Variants in CNTN5 observed in about 807,000 individuals in gnomAD.
CNTN5 encodes contactin-5.
CNTN5 carries 77 observed loss-of-function variants against 129.1 expected under a neutral mutation model. The observed-to-expected ratio is 0.60, with a 90% CI of 0.50 to 0.72. The LOEUF (loss-of-function observed/expected upper bound fraction) is 0.72, where lower values mean the gene tolerates loss of function less well. Ranked by LOEUF, CNTN5 falls within the 30% of genes least tolerant of loss-of-function variation. The pLI is 0.00. For synonymous variants in CNTN5, 509 were observed against 465.6 expected, an observed-to-expected ratio of 1.09 and a Z score of -1.20; for missense variants, 1,478 against 1,328.8, an observed-to-expected ratio of 1.11 and a Z score of -1.75.
chr11:99,898,421 A>G (rs1174447877), intron 6 of CNTN5, among the ~76,000 whole-genome samples: 3 of 152,076 alleles, frequency 2.0e-5, no homozygotes, highest in African/African-American at 7.2e-5. Flanking sequence ...ATCATCAGAG[A>G]CTAGTATGAT....
chr11:99,529,681 GA>G (rs1164403947), intron 2 of CNTN5, among the ~76,000 whole-genome samples: 1 of 151,840 alleles, frequency 6.6e-6, no homozygotes. Flanking sequence ...AAATAATACA[GA>G]AAAAAATGAA....
intron 12 of CNTN5, among the ~76,000 whole-genome samples, chr11:100,072,447 A>T (rs1943956879): frequency 6.6e-6 from 1 of 152,206 alleles, no homozygotes; most frequent in Admixed American, 6.5e-5. Context: ...CCATCCAGTG[A>T]AATAGACTAC....
In CNTN5 at chr11:100,255,834, G is replaced by T; in HGVS notation, c.2080G>T (p.Ala694Ser). Residue 694 changes from alanine (A) to serine (S), a missense_variant, in exon 17 of 25, where the codon GCA becomes TCA. Ala to Ser is a moderately conservative substitution (Grantham distance 99, BLOSUM62 1). Coordinates refer to ENST00000524871, the MANE Select transcript of CNTN5 (RefSeq NM_014361.4). Reference protein sequence around the residue: ...ESTATLSWSPAADNHSPISSY... With the variant: ...ESTATLSWSPSADNHSPISSY... ...TACGGCCACACTGTCCTGGAGCCCA[G>T]CAGCTGACAACCACAGCCCAATCTC... The T allele has an allele frequency of 6.2e-7, 1 of 1,613,928 alleles. No individual in the cohort carries two copies. The highest frequency in any genetic ancestry group is 8.5e-7 in the Non-Finnish European group (1 of 1,179,880).
In CNTN5 at chr11:100,350,847, A is replaced by G; in HGVS notation, c.3176A>G (p.Gln1059Arg). The G allele has an allele frequency of 1.9e-6, 3 of 1,591,254 alleles. No homozygotes were observed. The highest frequency in any genetic ancestry group is 2.6e-6 in the Non-Finnish European group (3 of 1,166,946). The change falls in exon 24 of 25, where the codon CAA becomes CGA. Residue 1059 changes from glutamine (Q) to arginine (R), a missense_variant. By Grantham distance (43) the Gln-to-Arg change is conservative. Transcript: ENST00000524871. The part of the protein sequence containing the change: ...SEGGDGTASS[Q>R]IRVPSYSGGK... ...GGAGGAGATGGAACAGCTAGTTCTC[A>G]AATTAGGGTACCATCATATTCAGGT...
chr11:100,343,113 A>G (rs1175032129), intron 23 of CNTN5, among the ~76,000 whole-genome samples: 1 of 152,210 alleles, frequency 6.6e-6, no homozygotes, highest in African/African-American at 2.4e-5. Flanking sequence ...ATTTTAACAA[A>G]GAAACTGATC....
chr11:99,705,538 T>C (rs1037945263), intron 3 of CNTN5, among the ~76,000 whole-genome samples: 1 of 151,474 alleles, frequency 6.6e-6, no homozygotes, highest in African/African-American at 2.4e-5. Flanking sequence ...GAATCCTGAT[T>C]CACTTAAGCA....
At chr11:99,032,864 T>A (rs1230688245) in intron 1 of CNTN5, among the ~76,000 whole-genome samples, 13 of 144,036 alleles carry the variant, frequency 9.0e-5, no homozygotes, top group Non-Finnish European at 1.6e-4. Flanking sequence ...CTGAATGGTA[T>A]TGCCTAGGTT....
At position 100,115,103 on chromosome 11, in the gene CNTN5, A is replaced by G. The variant is rs182497098; in HGVS notation, c.1580+40809A>G. Among the ~76,000 whole-genome samples the G allele has an allele frequency of 5.5e-3, 704 of 128,166 alleles. 4 individuals are homozygous for G. The highest frequency in any genetic ancestry group is 8.4e-3 in the Non-Finnish European group (527 of 62,472). 84.1% of individuals were successfully genotyped at this position (128,166 alleles called of 152,430 possible). A position where few individuals can be genotyped will look rare whatever the true frequency, so the allele number is the denominator to read the frequency against. On this transcript the variant is annotated intron_variant, in intron 13 of 24. Coordinates refer to ENST00000524871, the MANE Select transcript of CNTN5 (RefSeq NM_014361.4). ...GACTACATGAATTTTCTAGACTGCT[A>G]TAGGTATACAGTAAAAAAAAAAAAA...
chr11:100,181,638 T>A (rs757134530), intron 13 of CNTN5, among the ~76,000 whole-genome samples: 2 of 152,042 alleles, frequency 1.3e-5, no homozygotes, highest in Non-Finnish European at 2.9e-5. Context: ...GGTTGTGATA[T>A]TATACTATAA....
intron 7 of CNTN5, among the ~76,000 whole-genome samples, chr11:99,928,803 A>G (rs1247852107): frequency 2.0e-5 from 3 of 152,182 alleles, no homozygotes; most frequent in Non-Finnish European, 4.4e-5. Flanking sequence ...TTACCTATGC[A>G]TATTTCTGCA....
intron 2 of CNTN5, among the ~76,000 whole-genome samples, chr11:99,471,001 T>A (rs543370411): frequency 6.6e-6 from 1 of 152,166 alleles, no homozygotes; most frequent in South Asian, 2.1e-4. Flanking sequence ...ATTGACACTT[T>A]CAGGTCTGGG....
intron 3 of CNTN5, among the ~76,000 whole-genome samples, chr11:99,599,673 T>G (rs1294556380): frequency 3.3e-5 from 5 of 152,132 alleles, no homozygotes; most frequent in African/African-American, 1.2e-4. Context: ...CCAGACCAAA[T>G]TCTTTGTGCA....
At chr11:99,535,356 C>T (rs542435370) in intron 2 of CNTN5, among the ~76,000 whole-genome samples, 2 of 152,256 alleles carry the variant, frequency 1.3e-5, no homozygotes, top group South Asian at 4.1e-4. Flanking sequence ...GGTAGATAAA[C>T]AGTAGACAGA....
At chr11:99,474,409 A>G (rs1233064101) in intron 2 of CNTN5, among the ~76,000 whole-genome samples, 1 of 152,090 alleles carries the variant, frequency 6.6e-6, no homozygotes, top group Admixed American at 6.6e-5. Context: ...TGAGCTTTCT[A>G]TCATCTGTCA....
At chr11:100,299,096 A>AGG in intron 19 of CNTN5, 66 bp from the exon 20 acceptor site, 1 of 1,056,784 alleles carries the variant, frequency 9.5e-7, no homozygotes, top group Non-Finnish European at 1.4e-6. Context: ...TTTAATTAAG[A>AGG]ATTTGGAGAA....
chr11:99,144,498 T>G (rs902967253), intron 1 of CNTN5, among the ~76,000 whole-genome samples: 2 of 152,184 alleles, frequency 1.3e-5, no homozygotes, highest in African/African-American at 4.8e-5. Context: ...TTTCCACTAC[T>G]GTTTCATCAA....
At chr11:99,919,189 CT>C (rs1949871343) in intron 7 of CNTN5, among the ~76,000 whole-genome samples, 1 of 152,170 alleles carries the variant, frequency 6.6e-6, no homozygotes, top group African/African-American at 2.4e-5. Context: ...CGACTCCAAG[CT>C]TTACTTCCAA....
chr11:99,675,553 T>G (rs1339194045), intron 3 of CNTN5, among the ~76,000 whole-genome samples: 2 of 152,032 alleles, frequency 1.3e-5, no homozygotes, highest in African/African-American at 2.4e-5. Flanking sequence ...GGCATGGTGG[T>G]GGGCACCTGT....
chr11:99,283,444 C>T (rs946735272), intron 1 of CNTN5, among the ~76,000 whole-genome samples: 6 of 151,964 alleles, frequency 3.9e-5, no homozygotes, highest in East Asian at 3.9e-4. Context: ...TCCCCATCTA[C>T]GTATCTAGTT....
Sources: allele counts gnomAD v4.1 joint callset (sites outside exome capture counted in the v4.1 genomes callset), GRCh38; gene constraint gnomAD v4.1.1; transcripts MANE v1.5; gene names NCBI Gene and HGNC (gene_info 2026-07-23, HGNC 2026-07-21).